The following ELAVL1 variants were observed in gnomAD, a reference collection of about 807,000 sequenced individuals.
ELAVL1 encodes ELAV like RNA binding protein 1.
Under a neutral mutation model 28.4 loss-of-function variants are expected in ELAVL1, and 1 was observed. The ratio of observed to expected loss-of-function variants is 0.04; its 90% CI spans 0.01 to 0.17. The LOEUF (loss-of-function observed/expected upper bound fraction) is 0.17. Ranked by LOEUF, ELAVL1 falls within the 10% of genes least tolerant of loss-of-function variation. The pLI, the probability that ELAVL1 is intolerant of heterozygous loss-of-function variation, is 1.00. For missense variants in ELAVL1, 157 were observed against 447.2 expected, an observed-to-expected ratio of 0.35 and a Z score of 5.85; for synonymous variants, 174 against 183.5, an observed-to-expected ratio of 0.95 and a Z score of 0.42.
At chr19:7,990,371 G>T (rs1361782581) in intron 2 of ELAVL1, among the ~76,000 whole-genome samples, 4 of 145,248 alleles carry the variant, frequency 2.8e-5, no homozygotes, top group South Asian at 4.3e-4. Context: ...GTCTCACTAT[G>T]TTGCCCAGGC....
chr19:7,994,643 T>C (rs895539850), intron 1 of ELAVL1, among the ~76,000 whole-genome samples: 1 of 152,188 alleles, frequency 6.6e-6, no homozygotes, highest in Non-Finnish European at 1.5e-5. Flanking sequence ...TGGAATAAAA[T>C]CCAGCGCAAG....
At chr19:7,998,708 C>T (rs1356913872) in intron 1 of ELAVL1, among the ~76,000 whole-genome samples, 3 of 151,964 alleles carry the variant, frequency 2.0e-5, no homozygotes, top group Non-Finnish European at 4.4e-5. Flanking sequence ...GTCTTGAACT[C>T]CCAAGCTCAA....
chr19:7,964,650 C>T (rs1984905983), intron 5 of ELAVL1, among the ~76,000 whole-genome samples: 1 of 151,974 alleles, frequency 6.6e-6, no homozygotes, highest in Non-Finnish European at 1.5e-5. Flanking sequence ...GCCTGGGCAA[C>T]ACAGAGAGAC....
chr19:7,964,451 G>A (rs1984898787), intron 5 of ELAVL1, among the ~76,000 whole-genome samples: 2 of 152,064 alleles, frequency 1.3e-5, no homozygotes, highest in Admixed American at 1.3e-4. Context: ...GACAGGGAAG[G>A]GCCCTGGGAC....
Position 7,981,613 on chromosome 19 carries a change from G to A in ELAVL1, c.173-427C>T, listed in dbSNP as rs1421110106. Among the ~76,000 whole-genome samples, 1 of 152,038 alleles carries A rather than the reference G, an allele frequency of 6.6e-6. No homozygotes were observed. Among genetic ancestry groups the A allele is most frequent in the African/African-American group, 2.4e-5 (1 of 41,392 alleles). On this transcript the variant is annotated intron_variant, in intron 2 of 5. Transcript: ENST00000407627. This position sits in a 1 kb window ranked among gnomAD's most constrained non-coding sequence, Gnocchi z 4.2. ...GGGCTCAAGCAATCCTCCCACCTCG[G>A]CCCCACCTCGACCTCCCAAAGTGTT...
intron 2 of ELAVL1, among the ~76,000 whole-genome samples, chr19:7,983,112 C>A (rs1371671897): frequency 2.6e-5 from 4 of 152,198 alleles, no homozygotes; most frequent in Non-Finnish European, 5.9e-5. Flanking sequence ...AAATGACGTG[C>A]AGTTAGTTCT....
At chr19:8,000,957 G>A (rs1457274992) in intron 1 of ELAVL1, among the ~76,000 whole-genome samples, 2 of 152,246 alleles carry the variant, frequency 1.3e-5, no homozygotes, top group Non-Finnish European at 2.9e-5. Context: ...ACACAGAAGT[G>A]CAAAGCAACA....
At chr19:7,986,274 G>A (rs1413339483) in intron 2 of ELAVL1, among the ~76,000 whole-genome samples, 1 of 152,204 alleles carries the variant, frequency 6.6e-6, no homozygotes, top group East Asian at 1.9e-4. Context: ...AAAGGCTCAA[G>A]GGAAGACCTC....
rs776679997 is a variant in ELAVL1, at chr19:7,973,897, T to C, written c.277-19A>G. ...ACGACACCTTGGGAACACAACCACT[T>C]TCCGAGATTAGTACAGGCACGTGGC... is the stretch of plus-strand genomic sequence containing the variant. On this transcript the variant is annotated intron_variant, in intron 3 of 5. Transcript: ENST00000407627. The C allele has an allele frequency of 2.5e-6, 4 of 1,613,308 alleles. No individual in the cohort carries two copies. In the South Asian group the frequency reaches 4.4e-5, roughly 18 times the overall value.
intron 3 of ELAVL1, among the ~76,000 whole-genome samples, chr19:7,976,727 G>A (rs1404483967): frequency 1.3e-5 from 2 of 152,164 alleles, no homozygotes; most frequent in African/African-American, 4.8e-5. Context: ...CATGGCAGCT[G>A]AGCAAACTCC....
intron 1 of ELAVL1, 58 bp from the exon 2 acceptor site, chr19:7,991,889 C>A: frequency 2.3e-6 from 3 of 1,315,544 alleles, no homozygotes; most frequent in Non-Finnish European, 2.0e-6. Context: ...TATATGAAGG[C>A]AAAACTAGTA....
At chr19:7,973,541 CTTT>C in intron 4 of ELAVL1, 181 bp downstream of exon 4, 6 of 747,442 alleles carry the variant, frequency 8.0e-6, no homozygotes, top group Non-Finnish European at 1.1e-5. Context: ...TCCCCAGCTT[CTTT>C]TAATGCCATC....
At chr19:8,005,359 G>A (rs1234877177) in intron 1 of ELAVL1, 136 bp downstream of exon 1, 3 of 147,682 alleles carry the variant, frequency 2.0e-5, no homozygotes, top group Non-Finnish European at 4.5e-5. Context: ...CCCAGCGCGC[G>A]TCCCCTCCCC....
rs559180360 is a variant in ELAVL1 at position 7,966,351 on chromosome 19, C to A, written c.656+1214G>T. Among the ~76,000 whole-genome samples, 370 of 152,258 alleles carry A rather than the reference C, an allele frequency of 2.4e-3. 1 individual carries two copies. The highest frequency in any genetic ancestry group is 8.6e-3 in the African/African-American group (358 of 41,532). ...TGGAGTCCAAGGCCCTGACTCTCAT[C>A]GCCTCTATCCCACTTCATCCTGGCA... On this transcript the variant is annotated intron_variant, in intron 5 of 5. Transcript: ENST00000407627.
chr19:8,004,597 C>T (rs1198788138), intron 1 of ELAVL1, among the ~76,000 whole-genome samples: 1 of 152,158 alleles, frequency 6.6e-6, no homozygotes, highest in African/African-American at 2.4e-5. Flanking sequence ...AACTATCTGA[C>T]CCCAAACATC....
rs1161553630 is a variant in ELAVL1, at chr19:7,961,062, T to C, written c.*2421A>G. 6.6e-6 allele frequency: 1 copy of C among 152,276 alleles called. No homozygotes were observed. The highest frequency in any genetic ancestry group is 2.4e-5 in the African/African-American group (1 of 41,476). 9.4% of individuals were successfully genotyped at this position (152,276 alleles called of 1,614,324 possible). A position where few individuals can be genotyped will look rare whatever the true frequency, so the allele number is the denominator to read the frequency against. On this transcript the variant is annotated 3_prime_UTR_variant, in exon 6 of 6. Coordinates refer to ENST00000407627, the MANE Select transcript of ELAVL1 (RefSeq NM_001419.3). ...AGACCACATACAATGAGAATGTTCC[T>C]GAACTGAGAAACTTCAGGGAACTTT...
chr19:7,972,145 C>T (rs1312178738), intron 4 of ELAVL1, among the ~76,000 whole-genome samples: 2 of 152,250 alleles, frequency 1.3e-5, no homozygotes, highest in Non-Finnish European at 2.9e-5. Context: ...TCACTAGGCT[C>T]AGGGAGTGGA....
chr19:7,968,806 G>A (rs1985026447), intron 4 of ELAVL1, among the ~76,000 whole-genome samples: 1 of 152,238 alleles, frequency 6.6e-6, no homozygotes, highest in African/African-American at 2.4e-5. Flanking sequence ...ACTAGGCCCG[G>A]GAGGGAAACA....
rs115987406 is a variant in ELAVL1 at position 7,986,203 on chromosome 19, G to A, written c.173-5017C>T. On this transcript the variant is annotated intron_variant, in intron 2 of 5. Transcript: ENST00000407627. ...ACGGGGTGCAGGGCTGAGGGGGCGA[G>A]TGCCCTGTGGGTGAAGCCCTCCTCT... Among the ~76,000 whole-genome samples, 600 of 152,360 alleles carry A rather than the reference G, an allele frequency of 3.9e-3. 2 individuals carry two copies. Among genetic ancestry groups the A allele is most frequent in the African/African-American group, 0.014 (564 of 41,590 alleles).
Sources: allele counts gnomAD v4.1 joint callset (sites outside exome capture counted in the v4.1 genomes callset), GRCh38; gene constraint gnomAD v4.1.1; non-coding constraint Gnocchi (gnomAD v3.1); transcripts MANE v1.5; gene names NCBI Gene and HGNC (gene_info 2026-07-23, HGNC 2026-07-21).